The following DAB1 variants were observed in gnomAD, a reference collection of about 807,000 sequenced individuals.
The protein encoded by DAB1 is DAB adaptor protein 1.
DAB1 carries 15 observed loss-of-function variants against 64.6 expected under a neutral mutation model. The observed-to-expected ratio is 0.23, with a 90% CI of 0.16 to 0.36. The LOEUF (loss-of-function observed/expected upper bound fraction) is 0.36. Among genes scored for constraint, DAB1 ranks in the 10% least tolerant of loss-of-function variants. DAB1 has a pLI of 1.00. For missense variants in DAB1, 596 were observed against 706.7 expected (o/e 0.84, Z 1.78); for synonymous variants, 235 against 251.9 (o/e 0.93, Z 0.64).
At chr1:57,615,257 C>T (rs1322036643) in intron 7 of DAB1, among the ~76,000 whole-genome samples, 4 of 152,186 alleles carry the variant, frequency 2.6e-5, no homozygotes, top group African/African-American at 7.2e-5. Flanking sequence ...TTTGCTGTTT[C>T]GTGTCCACAT....
At chr1:57,842,234 G>A (rs1653086067) in intron 1 of DAB1, among the ~76,000 whole-genome samples, 1 of 152,148 alleles carries the variant, frequency 6.6e-6, no homozygotes, top group Admixed American at 6.5e-5. Flanking sequence ...TTCCCAGTAA[G>A]TTCTTCATCT....
chr1:57,104,250 A>C (rs933342377), intron 4 of DAB1, among the ~76,000 whole-genome samples: 4 of 152,184 alleles, frequency 2.6e-5, no homozygotes, highest in African/African-American at 9.6e-5. Flanking sequence ...CTCACTGAAC[A>C]GGACATAGAT....
chr1:58,474,048 G>A (rs1173031328), intron 3 of DAB1: 1 of 611,952 alleles, frequency 1.6e-6, no homozygotes, highest in African/African-American at 1.9e-5. Context: ...TGGCTATTAG[G>A]GTCATTCCCA....
At chr1:58,097,349 C>A (rs1452945646) in intron 5 of DAB1, among the ~76,000 whole-genome samples, 1 of 152,172 alleles carries the variant, frequency 6.6e-6, no homozygotes, top group Non-Finnish European at 1.5e-5. Flanking sequence ...AAAGACACAA[C>A]CTCTGCCCTC....
chr1:57,948,790 T>C (rs1645222052), intron 5 of DAB1, among the ~76,000 whole-genome samples: 1 of 152,176 alleles, frequency 6.6e-6, no homozygotes, highest in Non-Finnish European at 1.5e-5. Flanking sequence ...GCCACCACTA[T>C]TCAGATTGAA....
chr1:58,127,298 A>C (rs1432403990), intron 5 of DAB1, among the ~76,000 whole-genome samples: 1 of 151,796 alleles, frequency 6.6e-6, no homozygotes, highest in Non-Finnish European at 1.5e-5. Context: ...CCACTTTTTG[A>C]TGGGGTTGTT....
In DAB1 at chr1:58,370,284, G is replaced by C. The variant is rs141814161; in HGVS notation, n.258-26881C>G. Among the ~76,000 whole-genome samples the C allele has an allele frequency of 3.3e-3, 508 of 151,980 alleles. 3 individuals carry two copies. The highest frequency in any genetic ancestry group is 5.3e-3 in the Non-Finnish European group (358 of 67,962). On this transcript the variant is annotated intron_variant and non_coding_transcript_variant, in intron 3 of 20. Coordinates refer to the DAB1 transcript ENST00000485760. ...CTCAACACATAATGAGTGGAAAAAAGAAAGATATAGCATGATGAGGAAAGC... is the reference window on the plus strand; with the variant it reads ...CTCAACACATAATGAGTGGAAAAAACAAAGATATAGCATGATGAGGAAAGC...
At chr1:57,935,330 G>T (rs760323908) in intron 5 of DAB1, among the ~76,000 whole-genome samples, 1 of 152,178 alleles carries the variant, frequency 6.6e-6, no homozygotes, top group Non-Finnish European at 1.5e-5. Flanking sequence ...AATCTTAATA[G>T]ATACCTCATG....
At chr1:58,340,303 A>G (rs1406479569) in intron 4 of DAB1, among the ~76,000 whole-genome samples, 2 of 152,158 alleles carry the variant, frequency 1.3e-5, no homozygotes, top group East Asian at 3.9e-4. Flanking sequence ...CCCCGTTACT[A>G]GGACAACAGT....
intron 1 of DAB1, among the ~76,000 whole-genome samples, chr1:57,423,090 G>T (rs1447392343): frequency 6.6e-6 from 1 of 151,888 alleles, no homozygotes; most frequent in African/African-American, 2.4e-5. Flanking sequence ...TTCTCTCGGC[G>T]GTTGACACCC....
chr1:58,282,699 G>T (rs1417533993), intron 4 of DAB1, among the ~76,000 whole-genome samples: 1 of 151,520 alleles, frequency 6.6e-6, no homozygotes, highest in Non-Finnish European at 1.5e-5. Context: ...ACCATCAAAA[G>T]TTGCCACTCT....
chr1:58,041,234 A>T (rs1375159515), intron 5 of DAB1, among the ~76,000 whole-genome samples: 3 of 152,172 alleles, frequency 2.0e-5, no homozygotes, highest in African/African-American at 7.2e-5. Flanking sequence ...AAGCCTGCAT[A>T]TTACAGTTGT....
intron 1 of DAB1, among the ~76,000 whole-genome samples, chr1:57,332,420 C>G (rs573344481): frequency 1.0e-3 from 153 of 152,312 alleles, no homozygotes; most frequent in African/African-American, 3.7e-3. Flanking sequence ...TGTCTGTTAC[C>G]TTTCTAGTTT....
intron 4 of DAB1, among the ~76,000 whole-genome samples, chr1:58,296,195 G>GAGAAAGAAAGAAAGAAAGAA (rs56816699): frequency 4.3e-5 from 4 of 93,508 alleles, no homozygotes; most frequent in East Asian, 3.4e-4. Context: ...GAGAAAGAAA[G>GAGAAAGAAAGAAAGAAAGAA]AGAAAGAAAG....
chr1:57,602,182 T>A (rs1369094393), intron 7 of DAB1, among the ~76,000 whole-genome samples: 1 of 152,200 alleles, frequency 6.6e-6, no homozygotes, highest in South Asian at 2.1e-4. Flanking sequence ...ATAAATCTCC[T>A]AATCTGTGCT....
intron 4 of DAB1, among the ~76,000 whole-genome samples, chr1:58,200,429 T>G (rs1657933529): frequency 6.6e-6 from 1 of 151,974 alleles, no homozygotes; most frequent in Admixed American, 6.5e-5. Context: ...TGCTCCCTGG[T>G]TTAGCTAGTT....
chr1:57,757,752 T>C (rs1241969011), intron 6 of DAB1, among the ~76,000 whole-genome samples: 1 of 152,188 alleles, frequency 6.6e-6, no homozygotes, highest in Non-Finnish European at 1.5e-5. Flanking sequence ...TTTTAACTTT[T>C]TTGGCGGGGA....
At chr1:58,383,358 T>C (rs1363417670) in intron 3 of DAB1, among the ~76,000 whole-genome samples, 1 of 152,144 alleles carries the variant, frequency 6.6e-6, no homozygotes, top group African/African-American at 2.4e-5. Context: ...CCAAATCCCT[T>C]CCAGCACTCA....
At chr1:57,922,822 G>T (rs1416063075) in intron 5 of DAB1, among the ~76,000 whole-genome samples, 1 of 125,782 alleles carries the variant, frequency 8.0e-6, no homozygotes, top group Non-Finnish European at 1.6e-5. Flanking sequence ...CTCCAGCCTG[G>T]GTGACAAAGC....
Sources: gnomAD v4.1 joint callset for allele counts (sites outside exome capture counted in the v4.1 genomes callset) on GRCh38, gnomAD v4.1.1 for gene constraint, MANE v1.5 for transcripts, NCBI Gene and HGNC (gene_info 2026-07-23, HGNC 2026-07-21) for gene names.